Variants in STPG2 observed in about 807,000 individuals in gnomAD.
STPG2 encodes sperm tail PG-rich repeat containing 2.
In STPG2, 56 loss-of-function variants were observed where a neutral mutation model predicts 54.2. That is an observed-to-expected ratio of 1.03 (90% CI 0.83 to 1.29). The LOEUF is 1.29. Among genes scored for constraint, STPG2 ranks in the 50% most tolerant of loss-of-function variants. The probability of loss-of-function intolerance (pLI) is 0.00; values close to 1 mark genes in which losing one functional copy is unlikely to be tolerated. For missense variants in STPG2, 596 were observed against 544.9 expected, an observed-to-expected ratio of 1.09 and a Z score of -0.93; for synonymous variants, 200 against 181.8, an observed-to-expected ratio of 1.10 and a Z score of -0.81.
At position 98,128,581 on chromosome 4, in the gene STPG2, T is replaced by A. The variant is rs371275176; in HGVS notation, c.234A>T (p.Arg78Ser). 3.8e-6 allele frequency: 6 copies of A among 1,586,548 alleles called. No individual in the cohort carries two copies. The highest frequency in any genetic ancestry group is 4.3e-6 in the Non-Finnish European group (5 of 1,170,260). ...YNVSEAQKIS[R>S]SPTLTRSVDV... is the part of the protein sequence containing the mutation. ...CAACACTTCTGGTAAGTGTAGGTGATCTTGAAATTTTCTGCAAGGAAAACA... is the reference window on the plus strand; with the variant it reads ...CAACACTTCTGGTAAGTGTAGGTGAACTTGAAATTTTCTGCAAGGAAAACA... The change falls in exon 3 of 11, where the codon AGA (arginine) becomes AGT (serine). Residue 78 changes from arginine to serine, a missense_variant. Arg to Ser is a moderately radical substitution (Grantham distance 110, BLOSUM62 -1). Transcript: ENST00000295268.
intron 8 of STPG2, among the ~76,000 whole-genome samples, chr4:97,890,950 G>A (rs531873549): frequency 1.1e-3 from 161 of 151,560 alleles, no homozygotes; most frequent in Non-Finnish European, 2.0e-3. Context: ...AAATAAGTCA[G>A]TACATAATAC....
intron 10 of STPG2, among the ~76,000 whole-genome samples, chr4:97,703,442 G>A (rs7656592): frequency 0.59 from 83,276 of 140,954 alleles, 24,838 homozygotes; most frequent in South Asian, 0.68. Flanking sequence ...TATGATATAT[G>A]CTATATATAT....
At chr4:97,708,728 A>AAATAT (rs1275087416) in intron 10 of STPG2, among the ~76,000 whole-genome samples, 1 of 151,742 alleles carries the variant, frequency 6.6e-6, no homozygotes, top group African/African-American at 2.4e-5. Flanking sequence ...TTTTTGGTGA[A>AAATAT]AATATAATTA....
intron 10 of STPG2, among the ~76,000 whole-genome samples, chr4:97,639,055 T>C (rs1174161807): frequency 6.6e-6 from 1 of 152,104 alleles, no homozygotes; most frequent in East Asian, 1.9e-4. Context: ...CGTATGTTTA[T>C]TGCGGCATTA....
At chr4:98,100,392 G>A (rs1283712457) in intron 5 of STPG2, among the ~76,000 whole-genome samples, 2 of 151,994 alleles carry the variant, frequency 1.3e-5, no homozygotes, top group Non-Finnish European at 2.9e-5. Context: ...TTAATCATAA[G>A]TTCAGACAAA....
At chr4:97,667,019 C>T (rs760420490) in intron 10 of STPG2, among the ~76,000 whole-genome samples, 6 of 152,172 alleles carry the variant, frequency 3.9e-5, no homozygotes, top group Non-Finnish European at 7.3e-5. Flanking sequence ...TACCACCATC[C>T]CACTTCTTGC....
intron 9 of STPG2, among the ~76,000 whole-genome samples, chr4:97,722,591 T>A (rs1724483005): frequency 6.6e-6 from 1 of 152,122 alleles, no homozygotes; most frequent in Non-Finnish European, 1.5e-5. Context: ...TTTTATATTC[T>A]GAATATAAAA....
At chr4:97,564,126 G>A (rs138021759) in intron 10 of STPG2, among the ~76,000 whole-genome samples, 5,348 of 152,200 alleles carry the variant, frequency 0.035, 312 homozygotes, top group African/African-American at 0.12. Context: ...CCTGTATTGG[G>A]TGCATATATA....
At chr4:97,905,251 G>A (rs1023963719) in intron 8 of STPG2, among the ~76,000 whole-genome samples, 168 of 152,238 alleles carry the variant, frequency 1.1e-3, no homozygotes, top group Admixed American at 2.5e-3. Context: ...GACTAACAGC[G>A]GATGTCTCGG....
At chr4:98,100,827 C>T (rs1739010651) in intron 5 of STPG2, among the ~76,000 whole-genome samples, 1 of 151,890 alleles carries the variant, frequency 6.6e-6, no homozygotes, top group South Asian at 2.1e-4. Context: ...AGGCACGTGC[C>T]ACCATGCTGA....
At chr4:98,077,736 C>A (rs1361608247) in intron 5 of STPG2, among the ~76,000 whole-genome samples, 1 of 152,092 alleles carries the variant, frequency 6.6e-6, no homozygotes, top group Non-Finnish European at 1.5e-5. Flanking sequence ...TCCTAAGTGT[C>A]CAATTATACC....
intron 8 of STPG2, among the ~76,000 whole-genome samples, chr4:97,933,049 T>A (rs1433244716): frequency 1.3e-5 from 2 of 152,226 alleles, no homozygotes; most frequent in Non-Finnish European, 2.9e-5. Flanking sequence ...GACTTTTTAA[T>A]AATCACTATT....
At chr4:97,807,145 A>G (rs1417007145) in intron 9 of STPG2, among the ~76,000 whole-genome samples, 1 of 151,320 alleles carries the variant, frequency 6.6e-6, no homozygotes, top group Non-Finnish European at 1.5e-5. Context: ...ATATTGGAAT[A>G]ATATTAAGTC....
At chr4:98,062,818 G>A (rs10017557) in intron 5 of STPG2, among the ~76,000 whole-genome samples, 59,948 of 151,798 alleles carry the variant, frequency 0.39, 12,060 homozygotes, top group Middle Eastern at 0.46. Context: ...AGCATCCATT[G>A]GATATTAATT....
Position 97,503,669 on chromosome 4 carries a change from T to C in STPG2, c.462+209030A>G, listed in dbSNP as rs1225970161. Among the ~76,000 whole-genome samples the C allele has an allele frequency of 2.0e-5, 3 of 151,074 alleles. No homozygotes were observed. The East Asian group carries it at 5.8e-4, about 29-fold the overall frequency. On this transcript the variant is annotated intron_variant, in intron 4 of 4. Transcript: ENST00000522676. ...ATTATAATGCAAATATCTCCTTATG[T>C]TTAAATATACATTAAGTAGCATTTT...
At position 97,540,530 on chromosome 4, in the gene STPG2, G is replaced by A. The variant is rs191810494; in HGVS notation, c.462+172169C>T. On this transcript the variant is annotated intron_variant, in intron 4 of 4. Coordinates refer to the STPG2 transcript ENST00000522676. ...TCCAGGAGCAGACGGATTCACAGCC[G>A]AATTCTACCAGAGTTACAAGGAGGA... 4.2e-3 allele frequency among the ~76,000 whole-genome samples: 636 copies of A among 152,176 alleles called. 3 individuals are homozygous for A. Among genetic ancestry groups the A allele is most frequent in the South Asian group, 0.02 (98 of 4,818 alleles).
At chr4:97,699,403 G>A (rs781189443) in intron 10 of STPG2, among the ~76,000 whole-genome samples, 1 of 152,184 alleles carries the variant, frequency 6.6e-6, no homozygotes, top group East Asian at 1.9e-4. Flanking sequence ...GCACTCACAT[G>A]GGATACAAAT....
intron 5 of STPG2, among the ~76,000 whole-genome samples, chr4:98,067,957 T>C (rs1036059952): frequency 2.0e-5 from 3 of 152,134 alleles, no homozygotes; most frequent in Admixed American, 6.6e-5. Context: ...GCAGGGTTAT[T>C]TTTTTTACTT....
In STPG2 at chr4:97,493,344, A is replaced by G. The variant is rs192287788; in HGVS notation, c.462+219355T>C. Among the ~76,000 whole-genome samples the G allele has an allele frequency of 1.7e-4, 26 of 151,566 alleles. 1 individual carries two copies. In the East Asian group the frequency reaches 5.1e-3, roughly 30 times the overall value. On this transcript the variant is annotated intron_variant, in intron 4 of 4. Transcript: ENST00000522676. ...TAACTTCTGATGTAGTTTGTAGTGC[A>G]GCAATGGATAACTAAAACATAATTA... is the stretch of plus-strand genomic sequence containing the variant.
Sources: allele counts gnomAD v4.1 joint callset (sites outside exome capture counted in the v4.1 genomes callset), GRCh38; gene constraint gnomAD v4.1.1; transcripts MANE v1.5; gene names NCBI Gene and HGNC (gene_info 2026-07-23, HGNC 2026-07-21).